Variants in GRM3 observed in about 807,000 individuals in gnomAD.
The protein encoded by GRM3 is metabotropic glutamate receptor 3.
GRM3 carries 26 observed loss-of-function variants against 70.5 expected under a neutral mutation model. That is an observed-to-expected ratio of 0.37 (90% confidence interval 0.27 to 0.51). The LOEUF (loss-of-function observed/expected upper bound fraction) is 0.51. Ranked by LOEUF, GRM3 falls within the 20% of genes least tolerant of loss-of-function variation. The pLI is 0.93. For missense variants in GRM3, 859 were observed against 1,123.8 expected, an observed-to-expected ratio of 0.76 and a Z score of 3.37; for synonymous variants, 443 against 434.9, an observed-to-expected ratio of 1.02 and a Z score of -0.23.
chr7:86,729,783 A>G (rs1182825094), intron 1 of GRM3, among the ~76,000 whole-genome samples: 1 of 152,178 alleles, frequency 6.6e-6, no homozygotes, highest in Non-Finnish European at 1.5e-5. Flanking sequence ...CATTCTTTCA[A>G]TAACCCAGCA....
intron 1 of GRM3, among the ~76,000 whole-genome samples, chr7:86,681,969 C>T (rs1005358217): frequency 2.6e-5 from 4 of 152,130 alleles, no homozygotes; most frequent in African/African-American, 9.7e-5. Context: ...CTTCGTAGAT[C>T]AGTTACGTTG....
At chr7:86,810,003 A>G (rs1178099908) in intron 3 of GRM3, among the ~76,000 whole-genome samples, 1 of 152,088 alleles carries the variant, frequency 6.6e-6, no homozygotes, top group Non-Finnish European at 1.5e-5. Context: ...TCATGACAAG[A>G]ACATGAAGGA....
chr7:86,808,968 T>C (rs1262629071), intron 3 of GRM3, among the ~76,000 whole-genome samples: 1 of 152,048 alleles, frequency 6.6e-6, no homozygotes, highest in African/African-American at 2.4e-5. Context: ...TGAGAAACTC[T>C]GAGAAGTGAC....
chr7:86,860,740 C>T (rs1274435294), intron 5 of GRM3, among the ~76,000 whole-genome samples: 1 of 152,118 alleles, frequency 6.6e-6, no homozygotes, highest in Admixed American at 6.5e-5. Flanking sequence ...TATACTAGAA[C>T]TTGAGGATTT....
intron 1 of GRM3, among the ~76,000 whole-genome samples, chr7:86,722,337 G>C (rs1014643221): frequency 1.3e-5 from 2 of 151,948 alleles, no homozygotes; most frequent in Non-Finnish European, 1.5e-5. Flanking sequence ...TAATAGCAGA[G>C]ACTTGGAACC....
intron 5 of GRM3, among the ~76,000 whole-genome samples, chr7:86,862,965 G>T (rs757549238): frequency 1.3e-5 from 2 of 152,150 alleles, no homozygotes; most frequent in Non-Finnish European, 2.9e-5. Context: ...TGCTCTTAAA[G>T]AATGGGACAG....
At chr7:86,796,380 T>C (rs142855930) in intron 3 of GRM3, among the ~76,000 whole-genome samples, 4 of 152,308 alleles carry the variant, frequency 2.6e-5, no homozygotes, top group Non-Finnish European at 4.4e-5. Flanking sequence ...TGTTGATGTG[T>C]GGTCTTATTT....
chr7:86,733,649 C>T (rs1050209158), intron 1 of GRM3, among the ~76,000 whole-genome samples: 3 of 152,038 alleles, frequency 2.0e-5, no homozygotes, highest in African/African-American at 7.2e-5. Flanking sequence ...GATGCAGCAG[C>T]GAAATAGGGA....
chr7:86,711,235 C>T (rs1795193306), intron 1 of GRM3, among the ~76,000 whole-genome samples: 1 of 151,674 alleles, frequency 6.6e-6, no homozygotes. Flanking sequence ...TGTGATAGAA[C>T]AGTTGCCTGT....
intron 1 of GRM3, among the ~76,000 whole-genome samples, chr7:86,746,374 T>TATATATATATATAA (rs71524681): frequency 7.5e-6 from 1 of 132,982 alleles, no homozygotes; most frequent in African/African-American, 2.7e-5. Flanking sequence ...TATATATATA[T>TATATATATATATAA]AATCACTTCA....
intron 1 of GRM3, among the ~76,000 whole-genome samples, chr7:86,752,509 A>G (rs577921300): frequency 2.0e-5 from 3 of 152,228 alleles, no homozygotes; most frequent in Non-Finnish European, 4.4e-5. Flanking sequence ...TTGTTAGTTG[A>G]AAATCTGTCT....
chr7:86,747,317 T>A (rs2116344564), intron 1 of GRM3, among the ~76,000 whole-genome samples: 1 of 152,206 alleles, frequency 6.6e-6, no homozygotes, highest in African/African-American at 2.4e-5. Flanking sequence ...ATAGACTTTC[T>A]AATACCTTCA....
intron 1 of GRM3, among the ~76,000 whole-genome samples, chr7:86,727,469 T>A (rs771532261): frequency 6.6e-5 from 10 of 152,242 alleles, no homozygotes; most frequent in Non-Finnish European, 1.3e-4. Context: ...CTATTATAGC[T>A]GAGCATAAAG....
chr7:86,777,634 A>T (rs1796929025), intron 2 of GRM3, among the ~76,000 whole-genome samples: 1 of 152,208 alleles, frequency 6.6e-6, no homozygotes, highest in African/African-American at 2.4e-5. Flanking sequence ...AATTGTTTTC[A>T]TGCAAATTGT....
rs149368553 is a variant in GRM3, at chr7:86,864,197, C to T, written c.2567-85C>T. On this transcript the variant is annotated intron_variant, in intron 5 of 5. Coordinates refer to ENST00000361669, the MANE Select transcript of GRM3 (RefSeq NM_000840.3). ...TCCTTCCCACCCTTCCCCCCGAGTC[C>T]CCAAAGTCCATTGTATCCTTCATGC... is the stretch of plus-strand genomic sequence containing the variant. The T allele has an allele frequency of 7.2e-5, 55 of 763,604 alleles. 1 individual carries two copies. The highest frequency in any genetic ancestry group is 6.6e-4 in the South Asian group (46 of 70,068). The allele number at this position is 763,604 out of a possible 1,614,324, so 47.3% of individuals were successfully genotyped here. A position where few individuals can be genotyped will look rare whatever the true frequency, so the allele number is the denominator to read the frequency against.
intron 1 of GRM3, among the ~76,000 whole-genome samples, chr7:86,747,438 T>C (rs1796128103): frequency 6.6e-6 from 1 of 152,136 alleles, no homozygotes; most frequent in African/African-American, 2.4e-5. Context: ...AAAAGGTTGT[T>C]ACATGGGCAA....
At chr7:86,836,341 A>G (rs1798456622) in intron 3 of GRM3, among the ~76,000 whole-genome samples, 1 of 152,244 alleles carries the variant, frequency 6.6e-6, no homozygotes, top group Admixed American at 6.5e-5. Context: ...GGAAAACCTT[A>G]GAAACAACAT....
At chr7:86,663,409 T>C (rs902534261) in intron 1 of GRM3, among the ~76,000 whole-genome samples, 10 of 152,016 alleles carry the variant, frequency 6.6e-5, no homozygotes, top group African/African-American at 2.4e-4. Context: ...TCAATGTGTT[T>C]AGCATCTTGT....
At chr7:86,776,011 AG>A (rs1226281551) in intron 2 of GRM3, 1 of 150,488 alleles carries the variant, frequency 6.6e-6, no homozygotes, top group African/African-American at 2.5e-5. Flanking sequence ...GGAGGACTGT[AG>A]GGGTACATTG....
Sources: allele counts gnomAD v4.1 joint callset (sites outside exome capture counted in the v4.1 genomes callset), GRCh38; gene constraint gnomAD v4.1.1; transcripts MANE v1.5; gene names NCBI Gene and HGNC (gene_info 2026-07-23, HGNC 2026-07-21).